ADORA2B: variants seen among roughly 807,000 people sequenced by gnomAD.
ADORA2B encodes adenosine receptor A2b.
In ADORA2B, 18 loss-of-function variants were observed where a neutral mutation model predicts 20.8. The ratio of observed to expected loss-of-function variants is 0.87; its 90% confidence interval spans 0.60 to 1.29. The LOEUF (loss-of-function observed/expected upper bound fraction) is 1.29, where lower values mean the gene tolerates loss of function less well. Ranked by LOEUF, ADORA2B falls within the 50% of genes most tolerant of loss-of-function variation. ADORA2B has a pLI of 0.00. For synonymous variants in ADORA2B, 179 were observed against 178.3 expected, an observed-to-expected ratio of 1.00 and a Z score of -0.03; for missense variants, 441 against 422.7, an observed-to-expected ratio of 1.04 and a Z score of -0.38.
chr17:15,860,653 G>A, the ADORA2B span, among the ~76,000 whole-genome samples: 1 of 152,144 alleles, frequency 6.6e-6, no homozygotes, highest in Non-Finnish European at 1.5e-5. Context: ...AAAGGAAGTG[G>A]TGGTCCTGCC....
chr17:15,940,546 T>C (rs1969734842), upstream of ADORA2B, among the ~76,000 whole-genome samples: 1 of 152,230 alleles, frequency 6.6e-6, no homozygotes, highest in Admixed American at 6.5e-5. Flanking sequence ...GTGTGCCATC[T>C]TTATGTACAA....
the ADORA2B span, among the ~76,000 whole-genome samples, chr17:15,903,861 G>A: frequency 1.3e-5 from 2 of 151,870 alleles, no homozygotes; most frequent in Non-Finnish European, 2.9e-5. Flanking sequence ...AGTATCTCGT[G>A]GCTTTCATTG....
the ADORA2B span, among the ~76,000 whole-genome samples, chr17:15,920,719 C>CAAA: frequency 4.5e-5 from 4 of 89,364 alleles, no homozygotes; most frequent in African/African-American, 3.8e-5. Context: ...GACTCCGTCT[C>CAAA]AAAAAAAAAA....
intron 1 of ADORA2B, among the ~76,000 whole-genome samples, chr17:15,948,152 G>C (rs919444019): frequency 2.0e-5 from 3 of 151,502 alleles, no homozygotes; most frequent in Admixed American, 6.6e-5. Context: ...AGTTCCTCCC[G>C]GTTCGAGGGC....
At chr17:15,919,082 C>G in the ADORA2B span, among the ~76,000 whole-genome samples, 3 of 152,118 alleles carry the variant, frequency 2.0e-5, no homozygotes, top group African/African-American at 7.2e-5. Context: ...CCCAGCCTGA[C>G]TGCTGGCAGC....
the ADORA2B span, among the ~76,000 whole-genome samples, chr17:15,939,117 T>C: frequency 0.026 from 4,023 of 152,230 alleles, 186 homozygotes; most frequent in African/African-American, 0.092. Flanking sequence ...CTTGGTTCAC[T>C]GCAACCTCCA....
At chr17:15,931,435 C>A in the ADORA2B span, among the ~76,000 whole-genome samples, 5 of 152,232 alleles carry the variant, frequency 3.3e-5, no homozygotes, top group Non-Finnish European at 5.9e-5. Context: ...CTAAGAAAGA[C>A]TTCCATGTCC....
the ADORA2B span, among the ~76,000 whole-genome samples, chr17:15,886,216 TC>T: frequency 6.6e-6 from 1 of 152,164 alleles, no homozygotes; most frequent in Non-Finnish European, 1.5e-5. Flanking sequence ...TCTCCCAGGC[TC>T]CCAGAACTCC....
At chr17:15,859,489 G>A in the ADORA2B span, among the ~76,000 whole-genome samples, 17 of 151,780 alleles carry the variant, frequency 1.1e-4, no homozygotes, top group African/African-American at 3.6e-4. Flanking sequence ...GTTTTCTTCC[G>A]TGACTGTTTG....
the ADORA2B span, among the ~76,000 whole-genome samples, chr17:15,853,035 G>GT: frequency 6.6e-6 from 1 of 151,952 alleles, no homozygotes; most frequent in African/African-American, 2.4e-5. Flanking sequence ...CGAAAGCAAA[G>GT]TAAGTGCAAA....
the ADORA2B span, among the ~76,000 whole-genome samples, chr17:15,929,813 T>TA: frequency 1.2e-4 from 18 of 151,230 alleles, no homozygotes; most frequent in Admixed American, 9.2e-4. Flanking sequence ...GGTAGTAGAG[T>TA]AGTCAGATTC....
chr17:15,916,524 A>AGG, the ADORA2B span, among the ~76,000 whole-genome samples: 1 of 150,250 alleles, frequency 6.7e-6, no homozygotes, highest in Non-Finnish European at 1.5e-5. Context: ...CTGAGCAAGG[A>AGG]GGGGGGGTAC....
the ADORA2B span, among the ~76,000 whole-genome samples, chr17:15,879,968 G>A: frequency 1.3e-5 from 2 of 148,756 alleles, no homozygotes; most frequent in East Asian, 3.9e-4. Flanking sequence ...GACAATTTTT[G>A]TGTTCTCTAA....
the ADORA2B span, among the ~76,000 whole-genome samples, chr17:15,874,076 A>ATG: frequency 4.2e-5 from 6 of 142,658 alleles, no homozygotes; most frequent in African/African-American, 1.7e-4. Context: ...GTGTATATAT[A>ATG]TATATGTATA....
intron 1 of ADORA2B, among the ~76,000 whole-genome samples, chr17:15,966,162 TG>T (rs1473694598): frequency 6.6e-6 from 1 of 152,246 alleles, no homozygotes; most frequent in Non-Finnish European, 1.5e-5. Flanking sequence ...ATTTAAAGCT[TG>T]TGAGCTAGAT....
At chr17:15,968,114 T>C (rs1471586048) in intron 1 of ADORA2B, among the ~76,000 whole-genome samples, 2 of 152,204 alleles carry the variant, frequency 1.3e-5, no homozygotes, top group Admixed American at 6.5e-5. Flanking sequence ...TTTTTAGTTA[T>C]CATGGCCTGT....
chr17:15,910,860 C>T, the ADORA2B span, among the ~76,000 whole-genome samples: 11 of 152,168 alleles, frequency 7.2e-5, no homozygotes, highest in Non-Finnish European at 1.5e-4. Context: ...CCCTGAGTCT[C>T]AAGCCACCAC....
the ADORA2B span, among the ~76,000 whole-genome samples, chr17:15,900,432 C>G: frequency 2.0e-5 from 3 of 151,974 alleles, no homozygotes; most frequent in South Asian, 4.1e-4. Flanking sequence ...TATATTTTGA[C>G]TTTTTATTTT....
At chr17:15,881,744 C>T in the ADORA2B span, among the ~76,000 whole-genome samples, 2 of 152,196 alleles carry the variant, frequency 1.3e-5, no homozygotes, top group African/African-American at 4.8e-5. Context: ...TGTGTTGGGG[C>T]GTGTGTCAGC....
Sources: gnomAD v4.1 joint callset for allele counts (sites outside exome capture counted in the v4.1 genomes callset) on GRCh38, gnomAD v4.1.1 for gene constraint, MANE v1.5 for transcripts, NCBI Gene and HGNC (gene_info 2026-07-23, HGNC 2026-07-21) for gene names.